The following PDE11A variants were observed in gnomAD, a reference collection of about 807,000 sequenced individuals.
The protein encoded by PDE11A is dual 3',5'-cyclic-AMP and -GMP phosphodiesterase 11A.
PDE11A carries 100 observed loss-of-function variants against 100.5 expected under a neutral mutation model. That is an observed-to-expected ratio of 1.00 (90% confidence interval 0.85 to 1.18). The LOEUF (loss-of-function observed/expected upper bound fraction) is 1.18, where lower values mean the gene tolerates loss of function less well. Ranked by LOEUF, PDE11A falls within the 50% of genes most tolerant of loss-of-function variation. PDE11A has a pLI of 0.00. For synonymous variants in PDE11A, 381 were observed against 420.8 expected, an observed-to-expected ratio of 0.91 and a Z score of 1.16; for missense variants, 1,141 against 1,152.6, an observed-to-expected ratio of 0.99 and a Z score of 0.15.
At chr2:178,029,025 A>T (rs2105839447) in intron 1 of PDE11A, among the ~76,000 whole-genome samples, 1 of 152,278 alleles carries the variant, frequency 6.6e-6, no homozygotes, top group South Asian at 2.1e-4. Flanking sequence ...AAATTGAAAA[A>T]TTTCATAGCT....
intron 2 of PDE11A, among the ~76,000 whole-genome samples, chr2:177,910,366 T>C (rs994114468): frequency 6.6e-6 from 1 of 152,042 alleles, no homozygotes; most frequent in Non-Finnish European, 1.5e-5. Context: ...CAAAATATTT[T>C]AATCTTTTTT....
intron 5 of PDE11A, among the ~76,000 whole-genome samples, chr2:177,874,650 C>T (rs2084199881): frequency 6.6e-6 from 1 of 151,948 alleles, no homozygotes; most frequent in African/African-American, 2.4e-5. Context: ...AGTCTTTTTT[C>T]CAAGCGGATG....
rs1177642902 is a variant in PDE11A, at chr2:178,071,743, A to G, written c.695T>C (p.Met232Thr). ...SYKILIFVCL[M>T]VDADRCSLFL... ...AAGAGAGCAGCGGTCAGCATCCACCATAAGGCAGACAAAGATGAGAATCTT... is the reference window on the plus strand; with the variant it reads ...AAGAGAGCAGCGGTCAGCATCCACCGTAAGGCAGACAAAGATGAGAATCTT... Residue 232 changes from methionine (M) to threonine (T), a missense_variant, in exon 1 of 20, where the codon ATG becomes ACG. Physicochemically the swap from Met to Thr is moderately conservative, Grantham distance 81. Transcript: ENST00000286063. 1.2e-6 allele frequency: 2 copies of G among 1,614,018 alleles called. No individual in the cohort carries two copies. The highest frequency in any genetic ancestry group is 2.2e-5 in the East Asian group (1 of 44,892).
Position 177,840,317 on chromosome 2 carries a change from C to A in PDE11A, c.1434G>T (p.Leu478=). 1.2e-6 allele frequency: 2 copies of A among 1,613,762 alleles called. No homozygotes were observed. The highest frequency in any genetic ancestry group is 1.7e-6 in the Non-Finnish European group (2 of 1,179,660). The change falls in exon 6 of 20, where the codon CTG becomes CTT. Residue 478 remains leucine, a synonymous_variant. Transcript: ENST00000286063. ...TCACTGGAAGGCCTGTTGAAGCAAC[C>A]AGCTCAGCAATGCTGTTATTTATTA... is the stretch of plus-strand genomic sequence containing the variant. ...DWLINNSIAE[L]VASTGLPVNI...
intron 2 of PDE11A, chr2:177,997,924 T>A: frequency 7.7e-7 from 1 of 1,303,068 alleles, no homozygotes; most frequent in Admixed American, 1.7e-5. Flanking sequence ...TACCTCCAAC[T>A]GTATGTCAAG....
chr2:177,708,079 A>G (rs1321705971), intron 13 of PDE11A, among the ~76,000 whole-genome samples: 1 of 151,910 alleles, frequency 6.6e-6, no homozygotes, highest in African/African-American at 2.4e-5. Context: ...AAGAACTCCA[A>G]ACAAGGAGCA....
intron 1 of PDE11A, among the ~76,000 whole-genome samples, chr2:178,048,995 C>T (rs1559054081): frequency 6.6e-6 from 1 of 152,112 alleles, no homozygotes; most frequent in Non-Finnish European, 1.5e-5. Context: ...CCTAACTTCT[C>T]AGTGCTTGTT....
chr2:177,700,917 A>G (rs890833930), intron 14 of PDE11A, among the ~76,000 whole-genome samples: 1 of 152,222 alleles, frequency 6.6e-6, no homozygotes, highest in Non-Finnish European at 1.5e-5. Flanking sequence ...ATGAAATCCA[A>G]GTAAATCAGC....
At chr2:177,953,647 G>A (rs143931478) in intron 2 of PDE11A, among the ~76,000 whole-genome samples, 1 of 152,098 alleles carries the variant, frequency 6.6e-6, no homozygotes, top group African/African-American at 2.4e-5. Context: ...AAATTATTCT[G>A]TAACTCCATT....
chr2:177,778,512 T>C (rs890140083), intron 9 of PDE11A, among the ~76,000 whole-genome samples: 4 of 152,214 alleles, frequency 2.6e-5, no homozygotes, highest in Admixed American at 2.6e-4. Context: ...GCTGGCAAAG[T>C]GGCACTTGGT....
Position 177,629,453 on chromosome 2 carries a change from G to A in PDE11A, c.2756C>T (p.Ser919Leu), listed in dbSNP as rs140155138. Reference sequence around the variant, plus strand: ...TACCATAACACTGGCAGGGGAGGATGAGGCAGTTGAGGCCAGCAGTCGTTT... The same window carrying A: ...TACCATAACACTGGCAGGGGAGGATAAGGCAGTTGAGGCCAGCAGTCGTTT... Reference protein sequence around the residue: ...HQKRLLASTASSSPASVMVAK... With the variant: ...HQKRLLASTALSSPASVMVAK... Residue 919 changes from serine (S) to leucine (L), a missense_variant, in exon 20 of 20, where the codon TCA becomes TTA. By Grantham distance (145) the Ser-to-Leu change is moderately radical. Transcript: ENST00000286063. The A allele has an allele frequency of 3.7e-4, 595 of 1,613,890 alleles. No homozygotes were observed. The highest frequency in any genetic ancestry group is 4.8e-4 in the Non-Finnish European group (561 of 1,179,920).
At chr2:177,654,357 G>A (rs2080351079) in intron 19 of PDE11A, among the ~76,000 whole-genome samples, 1 of 152,032 alleles carries the variant, frequency 6.6e-6, no homozygotes, top group South Asian at 2.1e-4. Context: ...TTGTCTCTAT[G>A]AAAATACAGA....
intron 19 of PDE11A, among the ~76,000 whole-genome samples, chr2:177,657,694 G>A (rs773602244): frequency 2.6e-5 from 4 of 151,868 alleles, no homozygotes; most frequent in East Asian, 1.9e-4. Flanking sequence ...AAAGAGGCGG[G>A]TGAGAGAGAG....
At chr2:177,923,188 T>C (rs762304891) in intron 2 of PDE11A, among the ~76,000 whole-genome samples, 1 of 151,772 alleles carries the variant, frequency 6.6e-6, no homozygotes, top group Non-Finnish European at 1.5e-5. Context: ...ATTTAATTTT[T>C]TTAAAAAATA....
chr2:177,982,705 T>C (rs1221564786), intron 2 of PDE11A, among the ~76,000 whole-genome samples: 2 of 150,682 alleles, frequency 1.3e-5, no homozygotes, highest in Non-Finnish European at 3.0e-5. Flanking sequence ...TTTCTTGCCT[T>C]CTAAAAACTG....
In PDE11A at chr2:177,909,679, TTCC is replaced by T. The variant is rs1264507592; in HGVS notation, c.1072-4495_1072-4493del. 2.0e-5 allele frequency among the ~76,000 whole-genome samples: 3 copies of T among 152,322 alleles called. No homozygotes were observed. In the South Asian group the frequency reaches 6.2e-4, roughly 32 times the overall value. ...ATTTACCCACATGTGTACCAGTTTTTTCCTCCTCATTCCTTCCAACACCTCCTT... is the reference window on the plus strand; with the variant it reads ...ATTTACCCACATGTGTACCAGTTTTTTCCTCATTCCTTCCAACACCTCCTT... On this transcript the variant is annotated intron_variant, in intron 2 of 19. Coordinates refer to ENST00000286063, the MANE Select transcript of PDE11A (RefSeq NM_016953.4).
At chr2:177,842,642 A>G (rs2083509902) in intron 5 of PDE11A, among the ~76,000 whole-genome samples, 1 of 152,212 alleles carries the variant, frequency 6.6e-6, no homozygotes, top group South Asian at 2.1e-4. Flanking sequence ...GGTAAGAGAC[A>G]CTGAGGATGG....
chr2:177,748,327 A>G (rs1292803913), intron 10 of PDE11A, among the ~76,000 whole-genome samples: 1 of 152,222 alleles, frequency 6.6e-6, no homozygotes, highest in Non-Finnish European at 1.5e-5. Context: ...GGACTCATAC[A>G]GGAGTCCTGC....
intron 5 of PDE11A, among the ~76,000 whole-genome samples, chr2:177,854,530 T>C (rs1248199363): frequency 1.3e-5 from 2 of 152,040 alleles, no homozygotes; most frequent in African/African-American, 4.8e-5. Flanking sequence ...ATTTACAAAA[T>C]AGGGTTATTT....
Sources: gnomAD v4.1 joint callset for allele counts (sites outside exome capture counted in the v4.1 genomes callset) on GRCh38, gnomAD v4.1.1 for gene constraint, MANE v1.5 for transcripts, NCBI Gene and HGNC (gene_info 2026-07-23, HGNC 2026-07-21) for gene names.